RNF213: variants seen among roughly 807,000 people sequenced by gnomAD.
RNF213 encodes the protein ring finger protein 213.
Under a neutral mutation model 514.4 loss-of-function variants are expected in RNF213, and 341 were observed. The ratio of observed to expected loss-of-function variants is 0.66; its 90% CI spans 0.61 to 0.73. The LOEUF is 0.73. RNF213 is among the 30% of genes least tolerant of loss of function. The pLI is 0.00. For missense variants in RNF213, 5,767 were observed against 6,615.6 expected, an observed-to-expected ratio of 0.87 and a Z score of 4.45; for synonymous variants, 2,655 against 2,658.2, an observed-to-expected ratio of 1.00 and a Z score of 0.04.
At chr17:80,366,528 T>C (rs1281932991) in intron 42 of RNF213, among the ~76,000 whole-genome samples, 1 of 152,220 alleles carries the variant, frequency 6.6e-6, no homozygotes, top group African/African-American at 2.4e-5. Flanking sequence ...GCATTTGCTG[T>C]CTTCTCTGGA....
At position 80,339,771 on chromosome 17, in the gene RNF213, C is replaced by T. The variant is rs1418665361; in HGVS notation, c.5404C>T (p.Leu1802Phe). The change falls in exon 26 of 68, where the codon CTT (leucine) becomes TTT (phenylalanine). Residue 1802 changes from leucine to phenylalanine, a missense_variant. Leu to Phe is a conservative substitution (Grantham distance 22). Around this residue, in one of 13 missense-constraint regions of RNF213, gnomAD observed 1,377 missense variants for 1,635.2 expected, o/e 0.84. Coordinates refer to ENST00000582970, the MANE Select transcript of RNF213 (RefSeq NM_001256071.3). ...FLPDCLDLET[L>F]GHCLAHLAGM... The stretch of plus-strand genomic sequence containing the variant: ...GCCCGACTGCCTCGACCTAGAGACC[C>T]TTGGCCACTGTCTGGCTCACCTGGC... 1 of 1,536,140 alleles carries T rather than the reference C, an allele frequency of 6.5e-7. No individual in the cohort carries two copies. The highest frequency in any genetic ancestry group is 2.0e-5 in the Admixed American group (1 of 50,982).
chr17:80,319,356 T>C, intron 17 of RNF213, 44 bp downstream of exon 17: 1 of 1,614,212 alleles, frequency 6.2e-7, no homozygotes, highest in South Asian at 1.1e-5. Flanking sequence ...GGCTCACAGC[T>C]GTGTTCTGCC....
At chr17:80,388,756 T>G (rs2144657028) in intron 64 of RNF213, 67 bp downstream of exon 64, 1 of 1,225,212 alleles carries the variant, frequency 8.2e-7, no homozygotes, top group Admixed American at 1.7e-5. Context: ...CCCTCCGTGT[T>G]AGGCCTACTC....
chr17:80,291,558 A>T, intron 7 of RNF213, 70 bp from the exon 8 acceptor site: 1 of 1,455,860 alleles, frequency 6.9e-7, no homozygotes, highest in Non-Finnish European at 9.6e-7. Context: ...ACTCCATGCT[A>T]CGTTTGAGAA....
chr17:80,372,763 GGGTTTA>G, intron 48 of RNF213, 29 bp downstream of exon 48: 1 of 1,603,162 alleles, frequency 6.2e-7, no homozygotes, highest in Middle Eastern at 1.9e-4. Flanking sequence ...GCTTTCCTTT[GGGTTTA>G]AAGACTCCGT....
intron 37 of RNF213, 99 bp downstream of exon 37, chr17:80,358,578 C>A: frequency 8.8e-7 from 1 of 1,133,926 alleles, no homozygotes; most frequent in Non-Finnish European, 1.3e-6. Flanking sequence ...CAGCCCTCAA[C>A]TTCAGAGCAA....
In RNF213 at chr17:80,393,955, C is replaced by T. The variant is rs2080585322; in HGVS notation, c.*457C>T. ...ATTCCCTTAAATTCTGAGTACTGTA[C>T]ATATATTTCTGGGTTCCCACGATGA... On this transcript the variant is annotated 3_prime_UTR_variant, in exon 68 of 68. Coordinates refer to ENST00000582970, the MANE Select transcript of RNF213 (RefSeq NM_001256071.3). The T allele has an allele frequency of 6.0e-6, 1 of 165,632 alleles. No homozygotes were observed. Among genetic ancestry groups the T allele is most frequent in the African/African-American group, 2.4e-5 (1 of 41,352 alleles). The allele number at this position is 165,632 out of a possible 1,614,324, so 10.3% of individuals were successfully genotyped here.
At position 80,339,542 on chromosome 17, in the gene RNF213, C is replaced by T. The variant is rs1215360843; in HGVS notation, c.5175C>T (p.Ala1725=). 6.5e-7 allele frequency: 1 copy of T among 1,537,208 alleles called. No homozygotes were observed. The highest frequency in any genetic ancestry group is 8.7e-7 in the Non-Finnish European group (1 of 1,146,894). ...ELRKQPPSDA[A]LTMLSFIKSN... is the part of the protein sequence containing the mutation. ...GGAAGCAGCCCCCGAGTGATGCCGC[C>T]CTAACGATGCTATCCTTCATCAAAA... Residue 1725 remains alanine, a synonymous_variant, in exon 26 of 68, where the codon GCC becomes GCT. Coordinates refer to ENST00000582970, the MANE Select transcript of RNF213 (RefSeq NM_001256071.3).
intron 11 of RNF213, among the ~76,000 whole-genome samples, chr17:80,302,655 A>G (rs1019770370): frequency 2.0e-5 from 3 of 152,168 alleles, no homozygotes; most frequent in Admixed American, 1.3e-4. Context: ...CAGGAGTTCA[A>G]GACCAGTCTG....
intron 2 of RNF213, among the ~76,000 whole-genome samples, chr17:80,268,492 C>T (rs755389458): frequency 3.3e-5 from 5 of 151,672 alleles, no homozygotes; most frequent in Non-Finnish European, 5.9e-5. Context: ...TTGTGGAAGA[C>T]GGGTGGATCT....
At chr17:80,333,840 A>C in intron 21 of RNF213, 3 of 456,652 alleles carry the variant, frequency 6.6e-6, no homozygotes, top group Non-Finnish European at 1.2e-5. Flanking sequence ...TATGTGAGGA[A>C]TTGATTTTAA....
Position 80,307,322 on chromosome 17 carries a change from G to A in RNF213, c.2501+121G>A, listed in dbSNP as rs1326261407. On this transcript the variant is annotated intron_variant, in intron 13 of 67. Transcript: ENST00000582970. ...TAACAGCAAGGTCATAAATTAATAT[G>A]TGGCCCACTTCTCTTCTCAGGTTAT... 8 of 741,296 alleles carry A rather than the reference G, an allele frequency of 1.1e-5. No individual in the cohort carries two copies. In the East Asian group the frequency reaches 2.2e-4, roughly 20 times the overall value. 45.9% of individuals were successfully genotyped at this position (741,296 alleles called of 1,614,324 possible).
At position 80,288,268 on chromosome 17, in the gene RNF213, C is replaced by G. The variant is rs140807350; in HGVS notation, c.715C>G (p.Gln239Glu). Residue 239 changes from glutamine to glutamate, a missense_variant, in exon 4 of 68, where the codon CAG becomes GAG. Physicochemically the swap from Gln to Glu is conservative, Grantham distance 29. Around this residue, in one of 13 missense-constraint regions of RNF213, gnomAD observed 509 missense variants for 496.7 expected, o/e 1.02. Transcript: ENST00000582970. The surrounding 1 kb of genome is among the most constrained non-coding windows in gnomAD (Gnocchi z 4.9). ...EGHSRTEDAA[Q>E]ELLLPESKGG... ...CCATTCTAGGACTGAAGATGCTGCCCAGGAGCTCCTGTTGCCTGAGTCAAA... is the reference window on the plus strand; with the variant it reads ...CCATTCTAGGACTGAAGATGCTGCCGAGGAGCTCCTGTTGCCTGAGTCAAA... 1,132 of 1,613,270 alleles carry G rather than the reference C, an allele frequency of 7.0e-4. 2 individuals carry two copies. The highest frequency in any genetic ancestry group is 8.7e-4 in the Non-Finnish European group (1,027 of 1,180,030).
intron 40 of RNF213, 137 bp from the exon 41 acceptor site, chr17:80,363,472 C>A: frequency 8.2e-7 from 1 of 1,214,716 alleles, no homozygotes; most frequent in Non-Finnish European, 1.2e-6. Context: ...ATCTCGCTGA[C>A]GCTTCTCACA....
At chr17:80,298,605 T>G in intron 11 of RNF213, 87 bp downstream of exon 11, 3 of 1,365,800 alleles carry the variant, frequency 2.2e-6, no homozygotes, top group Non-Finnish European at 3.1e-6. Context: ...GGCTCTGCAG[T>G]GACTCCATTC....
intron 6 of RNF213, among the ~76,000 whole-genome samples, 160 bp downstream of exon 6, chr17:80,289,997 G>A (rs540514199): frequency 1.9e-4 from 29 of 152,330 alleles, no homozygotes; most frequent in African/African-American, 6.5e-4. Flanking sequence ...GAGGTGGAGG[G>A]GGGTGGGCAC....
chr17:80,362,610 C>T (rs753795894), intron 39 of RNF213, among the ~76,000 whole-genome samples: 30 of 152,358 alleles, frequency 2.0e-4, no homozygotes, highest in Non-Finnish European at 3.7e-4. Context: ...GACAGTGTAG[C>T]GTGCACAGTG....
At position 80,363,767 on chromosome 17, in the gene RNF213, C is replaced by G. The variant is rs758145646; in HGVS notation, c.11727C>G (p.Ala3909=). ...ACATGCAAGGCAGCGGGAGCCTGGC[C>G]CAGGCTGTCATCAGGGAAGTCAGGT... The part of the protein sequence containing the change: ...DEHMQGSGSL[A]QAVIREVRAQ... Residue 3909 remains alanine, a synonymous_variant, in exon 41 of 68, where the codon GCC becomes GCG. Transcript: ENST00000582970. 1.1e-5 allele frequency: 17 copies of G among 1,613,470 alleles called. No individual in the cohort carries two copies. The highest frequency in any genetic ancestry group is 1.4e-5 in the Non-Finnish European group (16 of 1,179,970).
At chr17:80,319,371 C>T in intron 17 of RNF213, 59 bp downstream of exon 17, 1 of 1,614,236 alleles carries the variant, frequency 6.2e-7, no homozygotes, top group Non-Finnish European at 8.5e-7. Context: ...TCTGCCATGA[C>T]CCAGCTAAGG....
Sources: gnomAD v4.1 joint callset for allele counts (sites outside exome capture counted in the v4.1 genomes callset) on GRCh38, gnomAD v4.1.1 for gene constraint, gnomAD v4.1.1 regional missense constraint, Gnocchi (gnomAD v3.1) non-coding constraint, MANE v1.5 for transcripts, NCBI Gene and HGNC (gene_info 2026-07-23, HGNC 2026-07-21) for gene names.